MID1: variants seen among roughly 807,000 people sequenced by gnomAD.
MID1 encodes E3 ubiquitin-protein ligase Midline-1.
MID1 carries 7 observed loss-of-function variants against 40.4 expected under a neutral mutation model. The observed-to-expected ratio is 0.17, with a 90% CI of 0.10 to 0.33. The LOEUF (loss-of-function observed/expected upper bound fraction) is 0.33. MID1 is among the 10% of genes least tolerant of loss of function. The pLI is 1.00. For missense variants in MID1, 367 were observed against 558.5 expected, an observed-to-expected ratio of 0.66 and a Z score of 3.46; for synonymous variants, 229 against 221.2, an observed-to-expected ratio of 1.04 and a Z score of -0.31.
intron 4 of MID1, among the ~76,000 whole-genome samples, chrX:10,483,630 A>G (rs1444405266): frequency 8.9e-6 from 1 of 112,219 alleles, no homozygotes; most frequent in African/African-American, 3.2e-5. Flanking sequence ...GGAATGGAAA[A>G]TAGCCCTGGG....
intron 1 of MID1, among the ~76,000 whole-genome samples, chrX:10,636,166 G>A (rs1331783289): frequency 8.9e-6 from 1 of 111,976 alleles, no homozygotes; most frequent in African/African-American, 3.2e-5. Flanking sequence ...AGTAAGTATT[G>A]TGGAATAAAG....
At chrX:10,590,261 C>G (rs1339334132) in intron 1 of MID1, among the ~76,000 whole-genome samples, 1 of 111,701 alleles carries the variant, frequency 9.0e-6, no homozygotes, top group Non-Finnish European at 1.9e-5. Flanking sequence ...GGGCTACCTG[C>G]CTTTAGTTTT....
intron 1 of MID1, among the ~76,000 whole-genome samples, chrX:10,716,642 T>G (rs2043305808): frequency 9.0e-6 from 1 of 111,586 alleles, no homozygotes; most frequent in South Asian, 3.8e-4. Flanking sequence ...CCAGGAGAAC[T>G]TCCCCAATCT....
chrX:10,593,762 GACACACACACACACACACACAC>G (rs57390547), intron 1 of MID1, among the ~76,000 whole-genome samples: 35 of 83,335 alleles, frequency 4.2e-4, no homozygotes, highest in African/African-American at 1.5e-3. Flanking sequence ...CTGTCCCTCT[GACACACACACACACACACACAC>G]ACACACACAC....
intron 1 of MID1, among the ~76,000 whole-genome samples, chrX:10,656,881 A>G (rs2042877789): frequency 9.0e-6 from 1 of 111,154 alleles, no homozygotes; most frequent in South Asian, 3.8e-4. Flanking sequence ...AGACAATGAA[A>G]TTGATTCTCA....
chrX:10,720,698 G>C (rs994113121), intron 1 of MID1, among the ~76,000 whole-genome samples: 1 of 111,677 alleles, frequency 9.0e-6, no homozygotes, highest in Non-Finnish European at 1.9e-5. Context: ...CCATTACTGG[G>C]TATATACCTA....
rs144469683 is a variant in MID1, at chrX:10,531,143, A to T, written c.661-7956T>A. Among the ~76,000 whole-genome samples, 71 of 111,778 alleles carry T rather than the reference A, an allele frequency of 6.4e-4. 1 individual carries two copies. In the East Asian group the frequency reaches 0.015, roughly 23 times the overall value. The stretch of plus-strand genomic sequence containing the variant: ...ACACCACCACTCCAGCGTGATCAGG[A>T]TATGGACACGTCAAGTGCCACGACC... On this transcript the variant is annotated intron_variant, in intron 2 of 9. Coordinates refer to ENST00000317552, the MANE Select transcript of MID1 (RefSeq NM_000381.4).
At chrX:10,642,773 T>G (rs1215299997) in intron 1 of MID1, among the ~76,000 whole-genome samples, 5 of 108,908 alleles carry the variant, frequency 4.6e-5, no homozygotes, top group Admixed American at 2.9e-4. Context: ...ATACTACAAG[T>G]TTACAGTAAC....
At chrX:10,644,988 A>C (rs1344130626) in intron 1 of MID1, among the ~76,000 whole-genome samples, 1 of 111,726 alleles carries the variant, frequency 9.0e-6, no homozygotes, top group East Asian at 2.8e-4. Context: ...CTTCTTCCTA[A>C]ATGTTGTAGG....
intron 2 of MID1, among the ~76,000 whole-genome samples, chrX:10,529,272 C>T (rs974141692): frequency 1.8e-5 from 2 of 112,045 alleles, no homozygotes; most frequent in African/African-American, 6.5e-5. Flanking sequence ...CATGCCCACA[C>T]ATTTCATAAA....
chrX:10,584,093 C>T (rs1389897070), intron 1 of MID1, among the ~76,000 whole-genome samples: 1 of 109,967 alleles, frequency 9.1e-6, no homozygotes, highest in East Asian at 2.8e-4. Context: ...TCCAAAATGG[C>T]ACCTTGAAGC....
At chrX:10,797,594 T>C (rs2043975490) in intron 1 of MID1, among the ~76,000 whole-genome samples, 1 of 111,564 alleles carries the variant, frequency 9.0e-6, no homozygotes, top group African/African-American at 3.3e-5. Context: ...CAAGTCACCA[T>C]CACAAGATGG....
intron 2 of MID1, among the ~76,000 whole-genome samples, chrX:10,525,507 T>C (rs957215877): frequency 8.9e-6 from 1 of 112,604 alleles, no homozygotes; most frequent in Non-Finnish European, 1.9e-5. Context: ...TTGTTGACTA[T>C]TTCTCAAGGA....
chrX:10,579,793 CTTT>C (rs765255047), intron 1 of MID1, among the ~76,000 whole-genome samples: 3 of 94,941 alleles, frequency 3.2e-5, no homozygotes, highest in Non-Finnish European at 2.1e-5. Context: ...GGGAAGAAGT[CTTT>C]TTTTTTTTTT....
intron 1 of MID1, among the ~76,000 whole-genome samples, chrX:10,758,266 C>A (rs1168516005): frequency 9.2e-6 from 1 of 108,584 alleles, no homozygotes; most frequent in Non-Finnish European, 1.9e-5. Flanking sequence ...TGAGCTACTG[C>A]ACCTGGCCTC....
intron 1 of MID1, among the ~76,000 whole-genome samples, chrX:10,821,112 T>C (rs1172281800): frequency 8.9e-6 from 1 of 112,207 alleles, no homozygotes; most frequent in Non-Finnish European, 1.9e-5. Context: ...CCAGATACTA[T>C]GGCCTTTTAC....
intron 1 of MID1, among the ~76,000 whole-genome samples, chrX:10,574,521 G>A (rs974437133): frequency 8.9e-6 from 1 of 111,926 alleles, no homozygotes; most frequent in African/African-American, 3.3e-5. Context: ...AGAATAAGGA[G>A]ATCGCCCATC....
At position 10,465,873 on chromosome X, in the gene MID1, A is replaced by G. The variant is rs147976071; in HGVS notation, c.1285+3824T>C. Among the ~76,000 whole-genome samples, 731 of 112,251 alleles carry G rather than the reference A, an allele frequency of 6.5e-3. 4 individuals are homozygous for G. Among genetic ancestry groups the G allele is most frequent in the Non-Finnish European group, 7.3e-3 (388 of 53,276 alleles). On this transcript the variant is annotated intron_variant, in intron 7 of 9. Coordinates refer to ENST00000317552, the MANE Select transcript of MID1 (RefSeq NM_000381.4). ...ATCCTAACCCATGGAAACTGAAATA[A>G]TAAGTGGGTATTGTTTTAAACTGCT... is the stretch of plus-strand genomic sequence containing the variant.
At chrX:10,776,903 A>C (rs2043806494) in intron 1 of MID1, among the ~76,000 whole-genome samples, 1 of 111,736 alleles carries the variant, frequency 8.9e-6, no homozygotes, top group African/African-American at 3.3e-5. Flanking sequence ...CCAATGATTT[A>C]CTCTCTTTCT....
Sources: gnomAD v4.1 joint callset for allele counts (sites outside exome capture counted in the v4.1 genomes callset) on GRCh38, gnomAD v4.1.1 for gene constraint, MANE v1.5 for transcripts, NCBI Gene and HGNC (gene_info 2026-07-23, HGNC 2026-07-21) for gene names.